The following MAP3K9 variants were observed in gnomAD, a reference collection of about 807,000 sequenced individuals.
MAP3K9 encodes the protein mitogen-activated protein kinase kinase kinase 9.
In MAP3K9, 46 loss-of-function variants were observed where a neutral mutation model predicts 95.8. The observed-to-expected ratio is 0.48, with a 90% CI of 0.38 to 0.61. The LOEUF (loss-of-function observed/expected upper bound fraction) is 0.61, where lower values mean the gene tolerates loss of function less well. Ranked by LOEUF, MAP3K9 falls within the 20% of genes least tolerant of loss-of-function variation. The pLI is 0.00. For synonymous variants in MAP3K9, 533 were observed against 593.8 expected (o/e 0.90, Z 1.49); for missense variants, 1,296 against 1,474.3 (o/e 0.88, Z 1.98).
At chr14:70,765,484 T>C (rs980730754) in intron 2 of MAP3K9, 4 of 692,944 alleles carry the variant, frequency 5.8e-6, no homozygotes, top group Non-Finnish European at 1.0e-5. Context: ...TCATGGTGAG[T>C]GTTCTGTAAA....
chr14:70,803,499 C>G (rs922892937), intron 1 of MAP3K9, among the ~76,000 whole-genome samples: 1 of 151,788 alleles, frequency 6.6e-6, no homozygotes, highest in African/African-American at 2.4e-5. Context: ...GCTGACTATT[C>G]CCTTCCTTAC....
Position 70,725,801 on chromosome 14 carries a change from T to C in MAP3K9, c.*4579A>G, listed in dbSNP as rs552164918. On this transcript the variant is annotated 3_prime_UTR_variant, in exon 12 of 12. Transcript: ENST00000554752. ...CCATATGAAATAGCTGATATTCGAC[T>C]GTTTTTGACGTAAAACCGTACGTAT... is the stretch of plus-strand genomic sequence containing the variant. 6.0e-5 allele frequency: 9 copies of C among 151,160 alleles called. No homozygotes were observed. Among genetic ancestry groups the C allele is most frequent in the African/African-American group, 2.2e-4 (9 of 41,158 alleles). The allele number at this position is 151,160 out of a possible 1,614,324, so 9.4% of individuals were successfully genotyped here.
intron 2 of MAP3K9, among the ~76,000 whole-genome samples, chr14:70,765,222 C>G (rs1236566383): frequency 6.6e-6 from 1 of 152,134 alleles, no homozygotes; most frequent in East Asian, 1.9e-4. Flanking sequence ...CCCAGCTACT[C>G]AGGAGGCTGA....
At chr14:70,783,149 T>C in intron 2 of MAP3K9, 3 of 425,482 alleles carry the variant, frequency 7.1e-6, no homozygotes, top group Non-Finnish European at 9.4e-6. Context: ...ATCAAAATGC[T>C]TGTAAGAAAC....
chr14:70,745,679 A>C (rs2054136978), intron 5 of MAP3K9, among the ~76,000 whole-genome samples: 1 of 151,936 alleles, frequency 6.6e-6, no homozygotes, highest in South Asian at 2.1e-4. Flanking sequence ...TGGAGGTTGC[A>C]GTGAGCCGAG....
intron 1 of MAP3K9, among the ~76,000 whole-genome samples, chr14:70,804,646 C>T (rs555066525): frequency 6.6e-6 from 1 of 152,132 alleles, no homozygotes; most frequent in East Asian, 1.9e-4. Context: ...TGTAAACACA[C>T]AGTAGGTGTT....
intron 5 of MAP3K9, 122 bp from the exon 6 acceptor site, chr14:70,742,713 C>T: frequency 8.7e-7 from 1 of 1,147,570 alleles, no homozygotes; most frequent in South Asian, 1.6e-5. Flanking sequence ...CTATGATGCT[C>T]AGTGAAGAGA....
chr14:70,799,960 G>A (rs1174720776), intron 2 of MAP3K9, among the ~76,000 whole-genome samples: 1 of 152,216 alleles, frequency 6.6e-6, no homozygotes, highest in Non-Finnish European at 1.5e-5. Flanking sequence ...GCCCTGCTGA[G>A]TCAGCCAACG....
intron 6 of MAP3K9, among the ~76,000 whole-genome samples, chr14:70,741,096 CTT>C (rs796752311): frequency 1.4e-5 from 2 of 147,786 alleles, no homozygotes; most frequent in Admixed American, 1.4e-4. Flanking sequence ...GTTCCTTACA[CTT>C]TTTTTTTTTG....
At chr14:70,767,446 A>T (rs956279763) in intron 2 of MAP3K9, among the ~76,000 whole-genome samples, 7 of 150,592 alleles carry the variant, frequency 4.6e-5, no homozygotes, top group African/African-American at 1.7e-4. Context: ...GACCAATGGG[A>T]TATCTGTGCA....
intron 3 of MAP3K9, among the ~76,000 whole-genome samples, chr14:70,759,207 A>AAAG (rs1408383463): frequency 6.6e-6 from 1 of 152,094 alleles, no homozygotes; most frequent in Non-Finnish European, 1.5e-5. Flanking sequence ...CAGCCCCTTA[A>AAAG]GAGGCCGAGG....
At chr14:70,786,702 T>C (rs767532598) in intron 2 of MAP3K9, among the ~76,000 whole-genome samples, 1 of 152,184 alleles carries the variant, frequency 6.6e-6, no homozygotes. Context: ...AGGAACACTA[T>C]CATGAGCATC....
chr14:70,760,740 G>A (rs1486345777), intron 3 of MAP3K9, among the ~76,000 whole-genome samples: 2 of 152,102 alleles, frequency 1.3e-5, no homozygotes, highest in Non-Finnish European at 2.9e-5. Context: ...GTTGCCCCTG[G>A]AATCTACTGG....
At chr14:70,791,576 G>A (rs1177747224) in intron 2 of MAP3K9, among the ~76,000 whole-genome samples, 1 of 152,204 alleles carries the variant, frequency 6.6e-6, no homozygotes, top group African/African-American at 2.4e-5. Context: ...CCTCCCAGGA[G>A]GCCACACTGT....
rs114031938 is a variant in MAP3K9, at chr14:70,752,092, T to A, written c.1002-2011A>T. On this transcript the variant is annotated intron_variant, in intron 3 of 11. Transcript: ENST00000554752. The stretch of plus-strand genomic sequence containing the variant: ...CCTTCAAATACTATCATTTTCTTTA[T>A]GCATCTTGCCAGGAAAAAACAAAAA... Among the ~76,000 whole-genome samples the A allele has an allele frequency of 7.5e-4, 115 of 152,342 alleles. 2 individuals carry two copies. The highest frequency in any genetic ancestry group is 2.6e-3 in the African/African-American group (107 of 41,572).
At chr14:70,808,728 T>C in intron 1 of MAP3K9, 38 bp downstream of exon 1, 3 of 1,018,030 alleles carry the variant, frequency 2.9e-6, no homozygotes, top group Middle Eastern at 4.1e-4. Flanking sequence ...CAGGCCTCCG[T>C]CATTCCCCCT....
chr14:70,758,666 A>G (rs542232838), intron 3 of MAP3K9, among the ~76,000 whole-genome samples: 9 of 152,282 alleles, frequency 5.9e-5, no homozygotes, highest in Non-Finnish European at 1.0e-4. Flanking sequence ...ATGCCCATCA[A>G]CTGATAAATG....
At chr14:70,754,186 AATG>A (rs1450908584) in intron 3 of MAP3K9, among the ~76,000 whole-genome samples, 3 of 152,224 alleles carry the variant, frequency 2.0e-5, no homozygotes, top group Non-Finnish European at 4.4e-5. Flanking sequence ...CCTCATTCAA[AATG>A]ATGATGTATT....
At chr14:70,775,197 C>G (rs2054582104) in intron 2 of MAP3K9, among the ~76,000 whole-genome samples, 1 of 151,602 alleles carries the variant, frequency 6.6e-6, no homozygotes, top group South Asian at 2.1e-4. Flanking sequence ...TATTTTTTTG[C>G]ATACCTACTA....
Sources: allele counts gnomAD v4.1 joint callset (sites outside exome capture counted in the v4.1 genomes callset), GRCh38; gene constraint gnomAD v4.1.1; transcripts MANE v1.5; gene names NCBI Gene and HGNC (gene_info 2026-07-23, HGNC 2026-07-21).